The following SPEF2 variants were observed in gnomAD, a reference collection of about 807,000 sequenced individuals.
The protein encoded by SPEF2 is sperm flagella and cilia-associated protein 2.
In SPEF2, 187 loss-of-function variants were observed where a neutral mutation model predicts 224.6. The observed-to-expected ratio is 0.83, with a 90% confidence interval of 0.74 to 0.94. The LOEUF (loss-of-function observed/expected upper bound fraction) is 0.94. Ranked by LOEUF, SPEF2 falls within the 40% of genes least tolerant of loss-of-function variation. SPEF2 has a pLI of 0.00. For synonymous variants in SPEF2, 715 were observed against 707.3 expected, an observed-to-expected ratio of 1.01 and a Z score of -0.17; for missense variants, 2,170 against 2,135.6, an observed-to-expected ratio of 1.02 and a Z score of -0.32.
At chr5:35,697,829 ATATAT>A in intron 15 of SPEF2, 36 bp downstream of exon 15, 1 of 1,451,566 alleles carries the variant, frequency 6.9e-7, no homozygotes, top group Non-Finnish European at 9.6e-7. Flanking sequence ...CATCTATTTA[ATATAT>A]TCTTTATCAC....
chr5:35,703,900 C>T (rs927071650), intron 16 of SPEF2, among the ~76,000 whole-genome samples: 20 of 152,192 alleles, frequency 1.3e-4, no homozygotes, highest in Non-Finnish European at 1.9e-4. Context: ...TCAATGTTCT[C>T]TTGCATTGAG....
At chr5:35,787,093 G>A (rs190544429) in intron 30 of SPEF2, among the ~76,000 whole-genome samples, 1 of 152,214 alleles carries the variant, frequency 6.6e-6, no homozygotes, top group East Asian at 1.9e-4. Context: ...TTTGTTTTGT[G>A]TAGTTTTTAG....
intron 23 of SPEF2, among the ~76,000 whole-genome samples, chr5:35,742,505 C>A (rs1747813168): frequency 6.6e-6 from 1 of 151,796 alleles, no homozygotes; most frequent in Non-Finnish European, 1.5e-5. Context: ...TATTTTAAAT[C>A]TAAATTATTA....
At chr5:35,765,945 T>C (rs925850584) in intron 26 of SPEF2, among the ~76,000 whole-genome samples, 2 of 152,162 alleles carry the variant, frequency 1.3e-5, no homozygotes, top group African/African-American at 4.8e-5. Context: ...AATTTTCTAA[T>C]GTTAAACTTA....
In SPEF2 at chr5:35,779,161, C is replaced by T; in HGVS notation, c.4262C>T (p.Ser1421Phe). ...GTAGCTCGCTATCACATTGAAACAT[C>T]TACAAAAATTCAGAATGAACTTTAT... ...TDVARYHIETSTKIQNELYLS... is the reference protein window; with the variant it reads ...TDVARYHIETFTKIQNELYLS... Residue 1421 changes from serine (S) to phenylalanine (F), a missense_variant, in exon 30 of 37, where the codon TCT becomes TTT. By Grantham distance (155) the Ser-to-Phe change is radical. Coordinates refer to ENST00000356031, the MANE Select transcript of SPEF2 (RefSeq NM_024867.4). 1 of 1,613,770 alleles carries T rather than the reference C, an allele frequency of 6.2e-7. No individual in the cohort carries two copies. Among genetic ancestry groups the T allele is most frequent in the Non-Finnish European group, 8.5e-7 (1 of 1,179,832 alleles).
At chr5:35,773,753 G>A in intron 27 of SPEF2, 140 bp from the exon 28 acceptor site, 1 of 949,122 alleles carries the variant, frequency 1.1e-6, no homozygotes. Context: ...CAGATGCTGG[G>A]AGGACCAAGG....
intron 1 of SPEF2, among the ~76,000 whole-genome samples, chr5:35,626,424 A>G (rs1744267426): frequency 6.6e-6 from 1 of 152,180 alleles, no homozygotes. Flanking sequence ...TTAAGAATAG[A>G]TGCAATGTGT....
At chr5:35,767,204 A>G (rs1411862383) in intron 26 of SPEF2, among the ~76,000 whole-genome samples, 1 of 151,994 alleles carries the variant, frequency 6.6e-6, no homozygotes, top group African/African-American at 2.4e-5. Context: ...TATTTGAGAC[A>G]ATGAAATTGG....
At chr5:35,703,106 TTTTTTTTATTC>T (rs1561225348) in intron 16 of SPEF2, among the ~76,000 whole-genome samples, 2 of 104,616 alleles carry the variant, frequency 1.9e-5, no homozygotes, top group African/African-American at 7.3e-5. Flanking sequence ...TTTTTTATTT[TTTTTTTTATTC>T]TCTCTTTATT....
At chr5:35,675,514 G>T (rs16902391) in intron 10 of SPEF2, 16,705 of 156,444 alleles carry the variant, frequency 0.11, 1,341 homozygotes, top group East Asian at 0.37. Flanking sequence ...ATTGTATCTT[G>T]GTTGGTTAGG....
chr5:35,789,285 C>T, intron 30 of SPEF2: 1 of 703,300 alleles, frequency 1.4e-6, no homozygotes. Flanking sequence ...AGCATTCTGT[C>T]CTGTGTCAAT....
At chr5:35,671,776 T>C (rs1751246300) in intron 10 of SPEF2, among the ~76,000 whole-genome samples, 1 of 151,970 alleles carries the variant, frequency 6.6e-6, no homozygotes, top group African/African-American at 2.4e-5. Flanking sequence ...AGATGATGCA[T>C]TTCTTTTGCA....
intron 2 of SPEF2, among the ~76,000 whole-genome samples, chr5:35,632,340 G>A (rs910017054): frequency 2.0e-5 from 3 of 152,158 alleles, no homozygotes; most frequent in Admixed American, 1.3e-4. Flanking sequence ...TTTTTCAGAA[G>A]GCAGCAGGAG....
At chr5:35,755,447 C>G (rs1046118441) in intron 24 of SPEF2, among the ~76,000 whole-genome samples, 5 of 152,136 alleles carry the variant, frequency 3.3e-5, no homozygotes, top group Admixed American at 2.6e-4. Context: ...TGGTATAGTA[C>G]TCAATATTCC....
intron 10 of SPEF2, among the ~76,000 whole-genome samples, chr5:35,677,777 C>A (rs1308641138): frequency 1.3e-5 from 2 of 152,164 alleles, no homozygotes; most frequent in Admixed American, 6.5e-5. Flanking sequence ...ATTTCAGCAG[C>A]ACTGAAATGT....
chr5:35,656,654 G>A (rs1561143328), intron 7 of SPEF2, among the ~76,000 whole-genome samples: 1 of 152,134 alleles, frequency 6.6e-6, no homozygotes, highest in Non-Finnish European at 1.5e-5. Flanking sequence ...TCTGGCGTTT[G>A]CCTGGAAAAT....
chr5:35,715,418 G>A (rs897909662), intron 20 of SPEF2, among the ~76,000 whole-genome samples: 2 of 151,946 alleles, frequency 1.3e-5, no homozygotes, highest in African/African-American at 4.8e-5. Flanking sequence ...CATAGCAGTG[G>A]AGGTGAAACT....
chr5:35,679,478 G>A (rs989853600), intron 10 of SPEF2, among the ~76,000 whole-genome samples: 7 of 152,158 alleles, frequency 4.6e-5, no homozygotes, highest in Admixed American at 3.3e-4. Flanking sequence ...TTAAAGGCTT[G>A]GAAGCAAAGT....
At chr5:35,619,778 TAAATG>T (rs1218473146) in intron 1 of SPEF2, among the ~76,000 whole-genome samples, 3 of 152,138 alleles carry the variant, frequency 2.0e-5, no homozygotes, top group African/African-American at 7.2e-5. Flanking sequence ...TTAGGAGAAA[TAAATG>T]AAATTAATAA....
Sources: gnomAD v4.1 joint callset for allele counts (sites outside exome capture counted in the v4.1 genomes callset) on GRCh38, gnomAD v4.1.1 for gene constraint, MANE v1.5 for transcripts, NCBI Gene and HGNC (gene_info 2026-07-23, HGNC 2026-07-21) for gene names.